ZNF565: variants seen among roughly 807,000 people sequenced by gnomAD.
ZNF565 encodes zinc finger protein 565.
A neutral mutation model predicts 39.4 loss-of-function variants in ZNF565; 27 were observed. The ratio of observed to expected loss-of-function variants is 0.69; its 90% confidence interval spans 0.51 to 0.95. The LOEUF is 0.95. ZNF565 is among the 40% of genes least tolerant of loss of function. The probability of loss-of-function intolerance (pLI) is 0.00; values close to 1 mark genes in which losing one functional copy is unlikely to be tolerated. For synonymous variants in ZNF565, 185 were observed against 216.6 expected (o/e 0.85, Z 1.28); for missense variants, 524 against 621.1 (o/e 0.84, Z 1.66).
chr19:36,209,288 T>C (rs1375804415), intron 1 of ZNF565, among the ~76,000 whole-genome samples: 1 of 151,976 alleles, frequency 6.6e-6, no homozygotes, highest in Non-Finnish European at 1.5e-5. Context: ...CCCAGCACTT[T>C]GGGAGGCCGA....
chr19:36,234,460 AT>A (rs1977557582), intron 1 of ZNF565, among the ~76,000 whole-genome samples: 1 of 152,130 alleles, frequency 6.6e-6, no homozygotes. Flanking sequence ...CTATGTTCAC[AT>A]TTTTCCAATT....
chr19:36,224,110 G>C (rs543513393), intron 1 of ZNF565, among the ~76,000 whole-genome samples: 2 of 152,106 alleles, frequency 1.3e-5, no homozygotes, highest in Admixed American at 6.5e-5. Context: ...GGCTGGGCAC[G>C]GTGGCTCACG....
At chr19:36,191,600 G>T (rs903264832) in intron 4 of ZNF565, among the ~76,000 whole-genome samples, 1 of 152,084 alleles carries the variant, frequency 6.6e-6, no homozygotes, top group Non-Finnish European at 1.5e-5. Context: ...AAGGGCCAAA[G>T]CCTGAACGAT....
chr19:36,213,997 C>CAGGGG (rs1211299442), intron 1 of ZNF565, among the ~76,000 whole-genome samples: 3 of 152,064 alleles, frequency 2.0e-5, no homozygotes, highest in Non-Finnish European at 4.4e-5. Context: ...TAGTCACAGT[C>CAGGGG]ACACACCCAC....
At chr19:36,242,479 A>C (rs140065067) in intron 1 of ZNF565, among the ~76,000 whole-genome samples, 34 of 152,210 alleles carry the variant, frequency 2.2e-4, no homozygotes, top group African/African-American at 7.9e-4. Context: ...CTGTAATCCC[A>C]TCACTTTAGA....
chr19:36,199,546 C>T (rs1057095105), intron 2 of ZNF565, among the ~76,000 whole-genome samples: 14 of 137,438 alleles, frequency 1.0e-4, no homozygotes, highest in East Asian at 2.2e-4. Context: ...CTAAGTCTGT[C>T]GCCCAGGCTG....
At chr19:36,200,567 C>T (rs1477806450) in intron 2 of ZNF565, among the ~76,000 whole-genome samples, 2 of 151,390 alleles carry the variant, frequency 1.3e-5, no homozygotes, top group Non-Finnish European at 2.9e-5. Flanking sequence ...CGGCTCACTG[C>T]AACCTCTGCC....
At chr19:36,219,604 A>C (rs1976752083), upstream of ZNF565, among the ~76,000 whole-genome samples, 2 of 152,224 alleles carry the variant, frequency 1.3e-5, no homozygotes, top group Admixed American at 6.5e-5. Flanking sequence ...GAGATATACC[A>C]GATGGCTGGT....
intron 1 of ZNF565, among the ~76,000 whole-genome samples, chr19:36,214,420 C>G (rs575132221): frequency 1.3e-5 from 2 of 152,288 alleles, no homozygotes; most frequent in South Asian, 2.1e-4. Flanking sequence ...CCGATACTCT[C>G]TATCACACAT....
chr19:36,233,803 C>T (rs1337224847), intron 1 of ZNF565, among the ~76,000 whole-genome samples: 1 of 152,234 alleles, frequency 6.6e-6, no homozygotes, highest in Non-Finnish European at 1.5e-5. Flanking sequence ...TCCAGCTTTA[C>T]ACGGAGACAT....
At chr19:36,239,475 A>G (rs889362165) in intron 1 of ZNF565, among the ~76,000 whole-genome samples, 1 of 151,268 alleles carries the variant, frequency 6.6e-6, no homozygotes, top group Non-Finnish European at 1.5e-5. Context: ...GGCACGCACC[A>G]CTATGCTGTG....
At chr19:36,212,707 T>C (rs1277572479) in intron 1 of ZNF565, among the ~76,000 whole-genome samples, 8 of 151,990 alleles carry the variant, frequency 5.3e-5, no homozygotes, top group Admixed American at 3.3e-4. Context: ...GAAAAAAATT[T>C]AAAAGAACAT....
At chr19:36,239,644 A>G (rs2145477987) in intron 1 of ZNF565, among the ~76,000 whole-genome samples, 1 of 152,300 alleles carries the variant, frequency 6.6e-6, no homozygotes, top group South Asian at 2.1e-4. Flanking sequence ...TTTTAAAAAG[A>G]GAAAACAACT....
chr19:36,220,804 T>TA (rs972135846), intron 1 of ZNF565, among the ~76,000 whole-genome samples: 11 of 152,148 alleles, frequency 7.2e-5, no homozygotes, highest in Non-Finnish European at 1.2e-4. Context: ...TGTATCATGT[T>TA]AAAAAATTCT....
At chr19:36,222,277 G>A (rs1251595822) in intron 1 of ZNF565, among the ~76,000 whole-genome samples, 5 of 152,080 alleles carry the variant, frequency 3.3e-5, no homozygotes, top group African/African-American at 9.7e-5. Context: ...TTCAGCTGCT[G>A]TATAAATAAG....
At chr19:36,205,290 G>C (rs886265398) in intron 1 of ZNF565, among the ~76,000 whole-genome samples, 50 of 152,232 alleles carry the variant, frequency 3.3e-4, no homozygotes, top group African/African-American at 1.2e-3. Context: ...CACTTTGGGA[G>C]GCCGAGGCAG....
At chr19:36,216,956 G>A (rs1976634852), upstream of ZNF565, among the ~76,000 whole-genome samples, 1 of 151,730 alleles carries the variant, frequency 6.6e-6, no homozygotes, top group Non-Finnish European at 1.5e-5. Context: ...CTGCTTGGGA[G>A]GCTGAGGTGG....
intron 1 of ZNF565, chr19:36,237,758 G>A (rs373250152): frequency 6.0e-6 from 1 of 167,620 alleles, no homozygotes; most frequent in South Asian, 2.1e-4. Flanking sequence ...TTCAAAAAAA[G>A]ACCTATGCAT....
At position 36,210,419 on chromosome 19, in the gene ZNF565, C is replaced by CAAAAAAAAAAAAAAAAAAAAAAAAAAAAA. The variant is rs35345882; in HGVS notation, c.-66+4202_-66+4203insTTTTTTTTTTTTTTTTTTTTTTTTTTTTT. 4.5e-5 allele frequency among the ~76,000 whole-genome samples: 3 copies of CAAAAAAAAAAAAAAAAAAAAAAAAAAAAA among 67,030 alleles called. 1 individual carries two copies. Among genetic ancestry groups the CAAAAAAAAAAAAAAAAAAAAAAAAAAAAA allele is most frequent in the African/African-American group, 1.2e-4 (2 of 17,140 alleles). 44.0% of individuals were successfully genotyped at this position (67,030 alleles called of 152,430 possible). On this transcript the variant is annotated intron_variant, in intron 1 of 4. Transcript: ENST00000304116. ...AGCCTGGGCAAGTAAAATTCTGTCTCAAAAAAAAAAAAAAAAAAAAAAAAA... is the reference window on the plus strand; with the variant it reads ...AGCCTGGGCAAGTAAAATTCTGTCTCAAAAAAAAAAAAAAAAAAAAAAAAAAAAAAAAAAAAAAAAAAAAAAAAAAAAAA...
Sources: allele counts gnomAD v4.1 joint callset (sites outside exome capture counted in the v4.1 genomes callset), GRCh38; gene constraint gnomAD v4.1.1; transcripts MANE v1.5; gene names NCBI Gene and HGNC (gene_info 2026-07-23, HGNC 2026-07-21).